SYNRG: variants seen among roughly 807,000 people sequenced by gnomAD.
The protein encoded by SYNRG is AP1 gamma subunit binding protein 1.
A neutral mutation model predicts 130.9 loss-of-function variants in SYNRG; 37 were observed. The ratio of observed to expected loss-of-function variants is 0.28; its 90% CI spans 0.22 to 0.37. The LOEUF (loss-of-function observed/expected upper bound fraction) is 0.37, where lower values mean the gene tolerates loss of function less well. Ranked by LOEUF, SYNRG falls within the 10% of genes least tolerant of loss-of-function variation. SYNRG has a pLI of 1.00. For missense variants in SYNRG, 1,338 were observed against 1,588.9 expected (o/e 0.84, Z 2.68); for synonymous variants, 539 against 568.1 (o/e 0.95, Z 0.73).
chr17:37,527,975 C>A (rs937613728), intron 19 of SYNRG, among the ~76,000 whole-genome samples: 18 of 152,174 alleles, frequency 1.2e-4, no homozygotes, highest in Non-Finnish European at 2.1e-4. Context: ...GAAAGTGATG[C>A]AGCTGTCTTC....
Position 37,553,946 on chromosome 17 carries a change from G to C in SYNRG, c.1777C>G (p.Pro593Ala), listed in dbSNP as rs147921469. 4.0e-5 allele frequency: 64 copies of C among 1,609,958 alleles called. No individual in the cohort carries two copies. The highest frequency in any genetic ancestry group is 2.2e-4 in the Admixed American group (13 of 58,208). ...TGTATAGTTCCTGAGGGGAAGGATG[G>C]TGGAAAAGTTTTGTCTTTTGTTGGT... is the stretch of plus-strand genomic sequence containing the variant. ...EPPTKDKTFP[P>A]SFPSGTIQQK... The change falls in exon 14 of 22, where the codon CCA (proline) becomes GCA (alanine). Residue 593 changes from proline (P) to alanine (A), a missense_variant. By Grantham distance (27) the Pro-to-Ala change is conservative. Around this residue, in one of 3 missense-constraint regions of SYNRG, gnomAD observed 1,146 missense variants for 1,342.3 expected, o/e 0.85. Transcript: ENST00000612223.
intron 6 of SYNRG, chr17:37,584,429 T>C: frequency 4.7e-6 from 2 of 425,702 alleles, no homozygotes; most frequent in East Asian, 3.4e-5. Context: ...TACTGATATT[T>C]AATTAGAAGA....
At chr17:37,596,174 G>A (rs368636416) in intron 3 of SYNRG, 49 bp downstream of exon 3, 431 of 1,596,720 alleles carry the variant, frequency 2.7e-4, no homozygotes, top group Non-Finnish European at 3.4e-4. Flanking sequence ...ATATATAAAC[G>A]TAACAACAAA....
Position 37,519,089 on chromosome 17 carries a change from A to T in SYNRG, c.3814-18T>A. On this transcript the variant is annotated intron_variant, in intron 21 of 21. Transcript: ENST00000612223. ...TTGAATGCCTGCCAGAAATAAACAGAGATGTGGGGCAAGTCAGGCTTTTTC... is the reference window on the plus strand; with the variant it reads ...TTGAATGCCTGCCAGAAATAAACAGTGATGTGGGGCAAGTCAGGCTTTTTC... 6.2e-7 allele frequency: 1 copy of T among 1,609,944 alleles called. No individual in the cohort carries two copies. The highest frequency in any genetic ancestry group is 1.1e-5 in the South Asian group (1 of 90,898).
At chr17:37,598,081 G>T (rs939972070) in intron 2 of SYNRG, among the ~76,000 whole-genome samples, 3 of 152,158 alleles carry the variant, frequency 2.0e-5, no homozygotes, top group African/African-American at 7.2e-5. Flanking sequence ...CTCCGTATTA[G>T]GCACTGTTCT....
At position 37,521,179 on chromosome 17, in the gene SYNRG, C is replaced by T. The variant is rs144176816; in HGVS notation, c.3667-531G>A. Among the ~76,000 whole-genome samples the T allele has an allele frequency of 4.2e-3, 639 of 151,864 alleles. 7 individuals carry two copies. The highest frequency in any genetic ancestry group is 0.015 in the African/African-American group (601 of 41,422). On this transcript the variant is annotated intron_variant, in intron 19 of 21. Coordinates refer to ENST00000612223, the MANE Select transcript of SYNRG (RefSeq NM_007247.6). ...TTCTGAGTAGCTGGGATTACAGGCG[C>T]GCCACCACGTCTGGTTAATTTTGTA...
intron 14 of SYNRG, among the ~76,000 whole-genome samples, chr17:37,547,588 G>A (rs543413785): frequency 7.3e-5 from 11 of 151,514 alleles, no homozygotes; most frequent in African/African-American, 9.7e-5. Flanking sequence ...TCAGCCCCCC[G>A]AGTAGCTGGG....
intron 13 of SYNRG, among the ~76,000 whole-genome samples, chr17:37,555,376 C>T (rs976004029): frequency 1.3e-5 from 2 of 152,218 alleles, no homozygotes; most frequent in Non-Finnish European, 2.9e-5. Context: ...ATCCACCTGC[C>T]TCGGCCTCCC....
intron 2 of SYNRG, among the ~76,000 whole-genome samples, chr17:37,598,603 G>C (rs1206191656): frequency 1.3e-5 from 2 of 152,154 alleles, no homozygotes; most frequent in African/African-American, 4.8e-5. Context: ...AAGTACTCAT[G>C]ATCTTGTGGC....
Position 37,598,826 on chromosome 17 carries a change from G to C in SYNRG, c.118+1537C>G, listed in dbSNP as rs150323215. Among the ~76,000 whole-genome samples, 315 of 152,284 alleles carry C rather than the reference G, an allele frequency of 2.1e-3. 2 individuals are homozygous for C. The highest frequency in any genetic ancestry group is 7.4e-3 in the African/African-American group (306 of 41,580). On this transcript the variant is annotated intron_variant, in intron 2 of 21. Transcript: ENST00000612223. ...CATATGCATATTTTTACTTGAAAGTGTATAGAAATGCAAAATAACAAACAT... is the reference window on the plus strand; with the variant it reads ...CATATGCATATTTTTACTTGAAAGTCTATAGAAATGCAAAATAACAAACAT...
In SYNRG at chr17:37,542,348, T is replaced by G; in HGVS notation, c.2826A>C (p.Thr942=). Residue 942 remains threonine (T), a synonymous_variant, in exon 15 of 22, where the codon ACA becomes ACC. Transcript: ENST00000612223. The stretch of plus-strand genomic sequence containing the variant: ...CAAAGGTCGTTACTTTGGAGAGAGA[T>G]GTCATGGTGATGTTTTCAGAACTGC... The part of the protein sequence containing the change: ...SFGSSENITM[T]SLSKVTTFVS... 6.2e-7 allele frequency: 1 copy of G among 1,614,192 alleles called. No individual in the cohort carries two copies. The highest frequency in any genetic ancestry group is 2.2e-5 in the East Asian group (1 of 44,882).
chr17:37,564,036 A>G (rs1352264720), intron 11 of SYNRG, among the ~76,000 whole-genome samples: 1 of 151,016 alleles, frequency 6.6e-6, no homozygotes, highest in Non-Finnish European at 1.5e-5. Context: ...TTTTGTAGAG[A>G]TGGGGTTTCA....
chr17:37,516,543 A>G lies in SYNRG; in HGVS notation c.*2397T>C, dbSNP rs2054438793. On this transcript the variant is annotated 3_prime_UTR_variant, in exon 22 of 22. Coordinates refer to ENST00000612223, the MANE Select transcript of SYNRG (RefSeq NM_007247.6). ...ATTCTGGAATTTCTCAGGAATAGAAACCAGCCCAGCTACCAAGTGAGCTTT... is the reference window on the plus strand; with the variant it reads ...ATTCTGGAATTTCTCAGGAATAGAAGCCAGCCCAGCTACCAAGTGAGCTTT... 1 of 152,154 alleles carries G rather than the reference A, an allele frequency of 6.6e-6. No individual in the cohort carries two copies. The highest frequency in any genetic ancestry group is 2.4e-5 in the African/African-American group (1 of 41,430). 9.4% of individuals were successfully genotyped at this position (152,154 alleles called of 1,614,324 possible). A position where few individuals can be genotyped will look rare whatever the true frequency, so the allele number is the denominator to read the frequency against.
In SYNRG at chr17:37,599,837, T is replaced by G. The variant is rs535832069; in HGVS notation, c.118+526A>C. On this transcript the variant is annotated intron_variant, in intron 2 of 21. Coordinates refer to ENST00000612223, the MANE Select transcript of SYNRG (RefSeq NM_007247.6). ...ATATATTTATAAAACATGATTATAA[T>G]AAGATACTATCATATAGATAAAAAA... 3.9e-5 allele frequency among the ~76,000 whole-genome samples: 6 copies of G among 152,248 alleles called. No individual in the cohort carries two copies. In the South Asian group the frequency reaches 1.2e-3, roughly 31 times the overall value.
chr17:37,570,625 T>C lies in SYNRG; in HGVS notation c.1347+12A>G. 6.2e-7 allele frequency: 1 copy of C among 1,606,352 alleles called. No homozygotes were observed. The highest frequency in any genetic ancestry group is 8.5e-7 in the Non-Finnish European group (1 of 1,175,980). On this transcript the variant is annotated intron_variant, in intron 10 of 21. Coordinates refer to ENST00000612223, the MANE Select transcript of SYNRG (RefSeq NM_007247.6). ...AGTGATTATCTGAAATATGCACAGC[T>C]TCGCCATTTACCTGATTTGCAGGGT...
chr17:37,520,770 A>T, intron 19 of SYNRG, 122 bp from the exon 20 acceptor site: 1 of 730,560 alleles, frequency 1.4e-6, no homozygotes, highest in South Asian at 1.7e-5. Context: ...CACCACCACT[A>T]CAAGAATTAA....
intron 19 of SYNRG, among the ~76,000 whole-genome samples, chr17:37,520,965 G>A (rs963206398): frequency 3.9e-5 from 6 of 152,104 alleles, no homozygotes; most frequent in African/African-American, 7.2e-5. Context: ...ACAAGGGAGC[G>A]GCACTTAGCC....
chr17:37,563,780 T>C (rs1434696839), intron 11 of SYNRG, among the ~76,000 whole-genome samples: 4 of 151,830 alleles, frequency 2.6e-5, no homozygotes, highest in Admixed American at 6.6e-5. Flanking sequence ...AAGTGATCTG[T>C]CCGCCTTGGC....
chr17:37,554,186 TTTA>T, intron 13 of SYNRG, 127 bp from the exon 14 acceptor site: 2 of 781,228 alleles, frequency 2.6e-6, no homozygotes, highest in Non-Finnish European at 4.0e-6. Context: ...CTTAATAATG[TTTA>T]CATACTTTAA....
Sources: gnomAD v4.1 joint callset for allele counts (sites outside exome capture counted in the v4.1 genomes callset) on GRCh38, gnomAD v4.1.1 for gene constraint, gnomAD v4.1.1 regional missense constraint, MANE v1.5 for transcripts, NCBI Gene and HGNC (gene_info 2026-07-23, HGNC 2026-07-21) for gene names.